The following UNC13C variants were observed in gnomAD, a reference collection of about 807,000 sequenced individuals.
UNC13C encodes the protein unc-13 homolog C, also known as protein unc-13 homolog C.
A neutral mutation model predicts 245.4 loss-of-function variants in UNC13C; 174 were observed. That is an observed-to-expected ratio of 0.71 (90% CI 0.63 to 0.80). The LOEUF (loss-of-function observed/expected upper bound fraction) is 0.80, where lower values mean the gene tolerates loss of function less well. Ranked by LOEUF, UNC13C falls within the 30% of genes least tolerant of loss-of-function variation. UNC13C has a pLI of 0.00. For synonymous variants in UNC13C, 992 were observed against 895.1 expected, an observed-to-expected ratio of 1.11 and a Z score of -1.93; for missense variants, 2,829 against 2,602.9, an observed-to-expected ratio of 1.09 and a Z score of -1.89.
chr15:54,523,461 C>T (rs1451121708), intron 24 of UNC13C, among the ~76,000 whole-genome samples: 1 of 152,148 alleles, frequency 6.6e-6, no homozygotes, highest in African/African-American at 2.4e-5. Context: ...ACCTATGTAT[C>T]CAGAAATTAA....
intron 19 of UNC13C, among the ~76,000 whole-genome samples, chr15:54,445,739 G>T (rs891404308): frequency 2.0e-5 from 3 of 152,232 alleles, no homozygotes; most frequent in African/African-American, 7.2e-5. Context: ...CCATTCTGTA[G>T]GTTGCCTGTT....
the UNC13C span, among the ~76,000 whole-genome samples, chr15:53,915,596 A>C: frequency 6.6e-6 from 1 of 152,380 alleles, no homozygotes; most frequent in Non-Finnish European, 1.5e-5. Context: ...GCAAATAGGC[A>C]AAATATTTAA....
At chr15:54,317,651 A>G (rs1348997663) in intron 13 of UNC13C, among the ~76,000 whole-genome samples, 1 of 152,010 alleles carries the variant, frequency 6.6e-6, no homozygotes, top group Non-Finnish European at 1.5e-5. Flanking sequence ...CATGTACAAT[A>G]TGATGCCTTG....
At chr15:54,348,499 C>CA (rs889205549) in intron 17 of UNC13C, among the ~76,000 whole-genome samples, 2 of 152,074 alleles carry the variant, frequency 1.3e-5, no homozygotes, top group African/African-American at 4.8e-5. Flanking sequence ...AAAATTCTAT[C>CA]AAAAAACATC....
chr15:53,942,291 C>A, the UNC13C span, among the ~76,000 whole-genome samples: 1 of 152,168 alleles, frequency 6.6e-6, no homozygotes, highest in African/African-American at 2.4e-5. Flanking sequence ...CCTCAGCAAG[C>A]TAATGCAGGA....
rs117216995 is a variant in UNC13C at position 53,988,457 on chromosome 15, C to G, written c.-257+9530C>G. Among the ~76,000 whole-genome samples the G allele has an allele frequency of 5.9e-3, 890 of 151,724 alleles. 7 individuals carry two copies. Among genetic ancestry groups the G allele is most frequent in the Non-Finnish European group, 7.4e-3 (502 of 67,834 alleles). On this transcript the variant is annotated intron_variant, in intron 1 of 32. Transcript: ENST00000260323. ...GAGGCTGTTTTTGTTATTTAAGAAG[C>G]CTTTGGGTACTTTGCTAGGTTGCAC... is the stretch of plus-strand genomic sequence containing the variant.
chr15:54,362,054 C>T (rs1030151637), intron 17 of UNC13C, among the ~76,000 whole-genome samples: 4 of 152,214 alleles, frequency 2.6e-5, no homozygotes, highest in Admixed American at 1.3e-4. Flanking sequence ...GCATATTGTA[C>T]CTACTGTAGC....
At chr15:54,615,507 T>C (rs1370003334) in intron 30 of UNC13C, among the ~76,000 whole-genome samples, 1 of 152,066 alleles carries the variant, frequency 6.6e-6, no homozygotes, top group Admixed American at 6.6e-5. Context: ...TTCCTGCTTA[T>C]AATGCCTGGT....
chr15:54,235,015 T>C lies in UNC13C; in HGVS notation c.3072-15T>C, dbSNP rs2035652766. On this transcript the variant is annotated splice_polypyrimidine_tract_variant and intron_variant, in intron 4 of 32. Transcript: ENST00000260323. ...TTTTACCCATTGCAATTATTGGTTT[T>C]ATTTTGTCTTTCAGGGCTGGAGGTG... is the stretch of plus-strand genomic sequence containing the variant. The C allele has an allele frequency of 6.2e-7, 1 of 1,613,370 alleles. No individual in the cohort carries two copies. The highest frequency in any genetic ancestry group is 1.3e-5 in the African/African-American group (1 of 75,044).
intron 19 of UNC13C, among the ~76,000 whole-genome samples, chr15:54,438,664 T>C (rs1430888400): frequency 6.6e-6 from 1 of 151,996 alleles, no homozygotes; most frequent in African/African-American, 2.4e-5. Flanking sequence ...CTGCTTATAA[T>C]TTATACAACT....
At chr15:54,030,600 C>A (rs1403986908) in intron 2 of UNC13C, among the ~76,000 whole-genome samples, 2 of 152,266 alleles carry the variant, frequency 1.3e-5, no homozygotes, top group African/African-American at 4.8e-5. Flanking sequence ...TCTTCTTACC[C>A]CCATCTTTGT....
At position 54,333,775 on chromosome 15, in the gene UNC13C, T is replaced by C. The variant is rs199642014; in HGVS notation, c.4503T>C (p.Phe1501=). ...GTTTCCTAATTAACCAGGAAAACTT[T>C]CCTGCAAGCAATACTGAAAGACTGC... ...RIDLSKYREN[F]PASNTERLQD... is the part of the protein sequence containing the mutation. The change falls in exon 16 of 33, where the codon TTT becomes TTC. Residue 1501 remains phenylalanine (F), a synonymous_variant. Transcript: ENST00000260323. 2 of 1,601,690 alleles carry C rather than the reference T, an allele frequency of 1.2e-6. No homozygotes were observed. The highest frequency in any genetic ancestry group is 2.2e-5 in the East Asian group (1 of 44,568).
intron 13 of UNC13C, among the ~76,000 whole-genome samples, chr15:54,314,980 G>A (rs1477772354): frequency 1.3e-5 from 2 of 151,626 alleles, no homozygotes; most frequent in Non-Finnish European, 2.9e-5. Flanking sequence ...TATGTGAAGT[G>A]GTCGTTCTTA....
intron 4 of UNC13C, among the ~76,000 whole-genome samples, chr15:54,153,646 C>T (rs1046808484): frequency 6.6e-6 from 1 of 152,028 alleles, no homozygotes; most frequent in Non-Finnish European, 1.5e-5. Flanking sequence ...TGTACACTTA[C>T]ATTATATTTT....
At chr15:54,073,946 C>T (rs1296018636) in intron 2 of UNC13C, among the ~76,000 whole-genome samples, 1 of 151,950 alleles carries the variant, frequency 6.6e-6, no homozygotes, top group Non-Finnish European at 1.5e-5. Flanking sequence ...GTCATGAAGT[C>T]TTTGCCCATG....
intron 24 of UNC13C, among the ~76,000 whole-genome samples, chr15:54,521,078 C>T (rs903336185): frequency 6.6e-6 from 1 of 151,750 alleles, no homozygotes; most frequent in Non-Finnish European, 1.5e-5. Context: ...GAACAAAATC[C>T]GAAAGAAGGA....
At chr15:54,594,143 TG>T (rs966694003) in intron 30 of UNC13C, among the ~76,000 whole-genome samples, 6 of 152,152 alleles carry the variant, frequency 3.9e-5, no homozygotes, top group African/African-American at 1.4e-4. Flanking sequence ...GGGCTGGTAC[TG>T]GGGGTTGTCT....
chr15:54,491,774 G>T (rs747382080), intron 19 of UNC13C, among the ~76,000 whole-genome samples: 9 of 152,042 alleles, frequency 5.9e-5, no homozygotes, highest in East Asian at 1.9e-4. Flanking sequence ...AGGCCGAGGC[G>T]GGGGGATCAC....
At chr15:54,242,728 A>G (rs190025654) in intron 7 of UNC13C, among the ~76,000 whole-genome samples, 83 of 152,326 alleles carry the variant, frequency 5.4e-4, no homozygotes, top group Admixed American at 1.6e-3. Flanking sequence ...TACACAAAGT[A>G]ATATTTACAA....
Sources: gnomAD v4.1 joint callset for allele counts (sites outside exome capture counted in the v4.1 genomes callset) on GRCh38, gnomAD v4.1.1 for gene constraint, MANE v1.5 for transcripts, NCBI Gene and HGNC (gene_info 2026-07-23, HGNC 2026-07-21) for gene names.